HAPLN2: variants seen among roughly 807,000 people sequenced by gnomAD.
The protein encoded by HAPLN2 is hyaluronan and proteoglycan link protein 2.
Under a neutral mutation model 29.3 loss-of-function variants are expected in HAPLN2, and 27 were observed. The ratio of observed to expected loss-of-function variants is 0.92; its 90% CI spans 0.68 to 1.27. The LOEUF (loss-of-function observed/expected upper bound fraction) is 1.27. Among genes scored for constraint, HAPLN2 ranks in the 50% most tolerant of loss-of-function variants. The pLI is 0.00. For missense variants in HAPLN2, 454 were observed against 484.3 expected, an observed-to-expected ratio of 0.94 and a Z score of 0.59; for synonymous variants, 208 against 211.7, an observed-to-expected ratio of 0.98 and a Z score of 0.15.
At chr1:156,616,570 T>C (rs1348857896), upstream of HAPLN2, among the ~76,000 whole-genome samples, 2 of 152,142 alleles carry the variant, frequency 1.3e-5, no homozygotes, top group Non-Finnish European at 1.5e-5. Context: ...ATGGATGCAG[T>C]GGCCAGGCTG....
chr1:156,623,995 C>CG lies in HAPLN2; in HGVS notation c.279dup (p.Tyr94ValfsTer102). 2 of 1,608,650 alleles carry CG rather than the reference C, an allele frequency of 1.2e-6. No homozygotes were observed. Among genetic ancestry groups the CG allele is most frequent in the Non-Finnish European group, 1.7e-6 (2 of 1,177,556 alleles). ...CCTCATCACCAACGGACTGCACGCCCGGGGGTATGGGCCCCTGGGAGGGCG... is the reference window on the plus strand; with the variant it reads ...CCTCATCACCAACGGACTGCACGCCCGGGGGGTATGGGCCCCTGGGAGGGCG... On this transcript the variant is annotated frameshift_variant, in exon 4 of 7. Transcript: ENST00000255039. LOFTEE classifies it high-confidence loss of function.
chr1:156,615,567 TC>T (rs1678035745), upstream of HAPLN2, among the ~76,000 whole-genome samples: 1 of 146,212 alleles, frequency 6.8e-6, no homozygotes, highest in South Asian at 2.2e-4. Flanking sequence ...ACTCTCTCTC[TC>T]TCTCTTTTTT....
chr1:156,614,733 A>G (rs1678020762), upstream of HAPLN2: 1 of 152,206 alleles, frequency 6.6e-6, no homozygotes, highest in Non-Finnish European at 1.5e-5. Flanking sequence ...AAGATGGGCT[A>G]AGAAAATAAA....
At chr1:156,618,616 TA>T (rs1419322442), upstream of HAPLN2, among the ~76,000 whole-genome samples, 1 of 147,690 alleles carries the variant, frequency 6.8e-6, no homozygotes, top group East Asian at 2.0e-4. Flanking sequence ...CGTCTCTACT[TA>T]AAATACAAAA....
chr1:156,614,374 G>A (rs1297232256), upstream of HAPLN2, among the ~76,000 whole-genome samples: 1 of 151,900 alleles, frequency 6.6e-6, no homozygotes, highest in Non-Finnish European at 1.5e-5. Context: ...ACAGGCACGC[G>A]CCACCACACC....
At position 156,624,078 on chromosome 1, in the gene HAPLN2, C is replaced by T. The variant is rs1678353888; in HGVS notation, c.357C>T (p.Arg119=). 1 of 1,613,488 alleles carries T rather than the reference C, an allele frequency of 6.2e-7. No homozygotes were observed. The change falls in exon 4 of 7, where the codon CGC becomes CGT. Residue 119 remains arginine (R), a synonymous_variant. Transcript: ENST00000255039. The part of the protein sequence containing the change: ...LDASLVIAGV[R]LEDEGRYRCE... ...CCTCCCTGGTCATCGCGGGCGTGCG[C>T]CTGGAGGACGAGGGCCGGTACCGCT... is the stretch of plus-strand genomic sequence containing the variant.
chr1:156,609,660 G>T, the HAPLN2 span, among the ~76,000 whole-genome samples: 1 of 151,978 alleles, frequency 6.6e-6, no homozygotes, highest in Non-Finnish European at 1.5e-5. Context: ...TAGTTGTTGC[G>T]ACCTTTAGCA....
chr1:156,624,909 G>GGGGGGCCCCC, intron 6 of HAPLN2, 126 bp downstream of exon 6: 6 of 999,492 alleles, frequency 6.0e-6, no homozygotes, highest in East Asian at 2.9e-5. Context: ...CCCCCCATCA[G>GGGGGGCCCCC]CCCGCCCGCC....
At chr1:156,622,687 G>T (rs181821814) in intron 2 of HAPLN2, among the ~76,000 whole-genome samples, 2 of 152,216 alleles carry the variant, frequency 1.3e-5, no homozygotes, top group East Asian at 3.9e-4. Flanking sequence ...TGCTGGAGGT[G>T]CAGGGAGCAA....
At chr1:156,605,327 C>T in the HAPLN2 span, among the ~76,000 whole-genome samples, 1 of 151,532 alleles carries the variant, frequency 6.6e-6, no homozygotes, top group Non-Finnish European at 1.5e-5. Context: ...CATGGTGGCT[C>T]ACGCCTGTAA....
At chr1:156,603,626 T>C in the HAPLN2 span, among the ~76,000 whole-genome samples, 4 of 152,154 alleles carry the variant, frequency 2.6e-5, no homozygotes, top group Admixed American at 2.0e-4. Flanking sequence ...AGAGTTTTAG[T>C]GTGATGCACT....
Position 156,623,591 on chromosome 1 carries a change from A to G in HAPLN2, c.85+16A>G, listed in dbSNP as rs747190633. Reference sequence around the variant, plus strand: ...GGAGACCCAGGTAAGACCCCAGCCCAGGCCAGAATCTGGGGGAGGCTTGGG... The same window carrying G: ...GGAGACCCAGGTAAGACCCCAGCCCGGGCCAGAATCTGGGGGAGGCTTGGG... On this transcript the variant is annotated intron_variant, in intron 3 of 6. Transcript: ENST00000255039. 1 of 1,613,946 alleles carries G rather than the reference A, an allele frequency of 6.2e-7. No individual in the cohort carries two copies. Among genetic ancestry groups the G allele is most frequent in the East Asian group, 2.2e-5 (1 of 44,872 alleles).
At chr1:156,607,098 T>C in the HAPLN2 span, among the ~76,000 whole-genome samples, 5 of 152,360 alleles carry the variant, frequency 3.3e-5, no homozygotes, top group African/African-American at 1.2e-4. Flanking sequence ...TGGTCCTGAA[T>C]AAAGTCTGCC....
upstream of HAPLN2, among the ~76,000 whole-genome samples, chr1:156,616,585 G>A (rs988181357): frequency 1.3e-5 from 2 of 152,186 alleles, no homozygotes; most frequent in African/African-American, 4.8e-5. Flanking sequence ...AGGCTGTGGA[G>A]CCATTTATAT....
Position 156,623,955 on chromosome 1 carries a change from C to T in HAPLN2, c.234C>T (p.Leu78=), listed in dbSNP as rs753438929. The T allele has an allele frequency of 1.2e-6, 2 of 1,608,056 alleles. No individual in the cohort carries two copies. Among genetic ancestry groups the T allele is most frequent in the South Asian group, 1.1e-5 (1 of 90,100 alleles). Residue 78 remains leucine, a synonymous_variant, in exon 4 of 7, where the codon CTC becomes CTT. Coordinates refer to ENST00000255039, the MANE Select transcript of HAPLN2 (RefSeq NM_021817.3). ...GGAGCAAGGTGGAGCCTGGGGAGCT[C>T]CGGGAAACGCTGATCCTCATCACCA... is the stretch of plus-strand genomic sequence containing the variant. The part of the protein sequence containing the change: ...VRWSKVEPGE[L]RETLILITNG...
chr1:156,619,478 T>C lies in HAPLN2; in HGVS notation c.-223T>C, dbSNP rs1230371357. 1 of 152,336 alleles carries C rather than the reference T, an allele frequency of 6.6e-6. No individual in the cohort carries two copies. Among genetic ancestry groups the C allele is most frequent in the African/African-American group, 2.4e-5 (1 of 41,412 alleles). 9.4% of individuals were successfully genotyped at this position (152,336 alleles called of 1,614,324 possible). On this transcript the variant is annotated 5_prime_UTR_variant, in exon 1 of 7. Coordinates refer to ENST00000255039, the MANE Select transcript of HAPLN2 (RefSeq NM_021817.3). ...TGAAGCAGCTGGAAGTCCTGGATAGTTCCCACCTGAAAGTCTGTTTGCAAA... is the reference window on the plus strand; with the variant it reads ...TGAAGCAGCTGGAAGTCCTGGATAGCTCCCACCTGAAAGTCTGTTTGCAAA...
Position 156,623,541 on chromosome 1 carries a change from C to T in HAPLN2, c.51C>T (p.Ala17=). The T allele has an allele frequency of 6.2e-7, 1 of 1,614,146 alleles. No individual in the cohort carries two copies. Among genetic ancestry groups the T allele is most frequent in the Non-Finnish European group, 8.5e-7 (1 of 1,180,020 alleles). Reference sequence around the variant, plus strand: ...CACTCTGCCGCTTCCTTCTTTGGGCCTTCACCATCTTCCACAAAGCCCAAG... The same window carrying T: ...CACTCTGCCGCTTCCTTCTTTGGGCTTTCACCATCTTCCACAAAGCCCAAG... ...LPTLCRFLLW[A]FTIFHKAQGD... is the part of the protein sequence containing the mutation. The change falls in exon 3 of 7, where the codon GCC becomes GCT. Residue 17 remains alanine, a synonymous_variant. Transcript: ENST00000255039.
rs777880728 is a variant in HAPLN2, at chr1:156,623,548, A to G, written c.58A>G (p.Ile20Val). The G allele has an allele frequency of 4.3e-6, 7 of 1,614,040 alleles. No individual in the cohort carries two copies. In the South Asian group the frequency reaches 6.6e-5, roughly 15 times the overall value. The change falls in exon 3 of 7, where the codon ATC (isoleucine) becomes GTC (valine). Residue 20 changes from isoleucine to valine, a missense_variant. Physicochemically the swap from Ile to Val is conservative, Grantham distance 29 (BLOSUM62 3). Transcript: ENST00000255039. ...CCGCTTCCTTCTTTGGGCCTTCACC[A>G]TCTTCCACAAAGCCCAAGGAGACCC... ...LCRFLLWAFT[I>V]FHKAQGDPAS...
chr1:156,616,358 C>T (rs1178976284), upstream of HAPLN2, among the ~76,000 whole-genome samples: 1 of 152,146 alleles, frequency 6.6e-6, no homozygotes, highest in Non-Finnish European at 1.5e-5. Flanking sequence ...CACAGTTTGG[C>T]TATTCATTAT....
Sources: gnomAD v4.1 joint callset for allele counts (sites outside exome capture counted in the v4.1 genomes callset) on GRCh38, gnomAD v4.1.1 for gene constraint, MANE v1.5 for transcripts, NCBI Gene and HGNC (gene_info 2026-07-23, HGNC 2026-07-21) for gene names.